Variants in VOPP1 observed in about 807,000 individuals in gnomAD.
VOPP1 encodes VOPP1 WW domain binding protein.
A neutral mutation model predicts 23.5 loss-of-function variants in VOPP1; 8 were observed. That is an observed-to-expected ratio of 0.34 (90% confidence interval 0.20 to 0.61). The LOEUF (loss-of-function observed/expected upper bound fraction) is 0.61. Among genes scored for constraint, VOPP1 ranks in the 20% least tolerant of loss-of-function variants. The probability of loss-of-function intolerance (pLI) is 0.78; values close to 1 mark genes in which losing one functional copy is unlikely to be tolerated. For synonymous variants in VOPP1, 83 were observed against 97.3 expected (o/e 0.85, Z 0.86); for missense variants, 174 against 238.1 (o/e 0.73, Z 1.77).
intron 4 of VOPP1, among the ~76,000 whole-genome samples, chr7:55,437,022 G>A (rs1475674415): frequency 6.6e-6 from 1 of 152,190 alleles, no homozygotes; most frequent in East Asian, 1.9e-4. Context: ...AATAAAACGT[G>A]TCCCGAGCAG....
chr7:55,537,575 C>T (rs1246738078), intron 1 of VOPP1: 3 of 1,535,806 alleles, frequency 2.0e-6, no homozygotes, highest in African/African-American at 2.7e-5. Flanking sequence ...GCCAGCCAGT[C>T]GCCCACGGTC....
chr7:55,444,756 C>A (rs1447562649), intron 4 of VOPP1, among the ~76,000 whole-genome samples: 1 of 151,670 alleles, frequency 6.6e-6, no homozygotes, highest in Non-Finnish European at 1.5e-5. Flanking sequence ...TGAGGCATGA[C>A]CCCAGAATTT....
At chr7:55,499,747 G>A (rs1381535648) in intron 2 of VOPP1, among the ~76,000 whole-genome samples, 1 of 152,152 alleles carries the variant, frequency 6.6e-6, no homozygotes, top group Non-Finnish European at 1.5e-5. Context: ...CTCAGTGCTC[G>A]GGACGGGGGA....
chr7:55,465,842 C>T (rs1333407162), downstream of VOPP1, among the ~76,000 whole-genome samples: 1 of 152,206 alleles, frequency 6.6e-6, no homozygotes, highest in African/African-American at 2.4e-5. Flanking sequence ...GTTAGGTCCA[C>T]AGGGACTCTC....
At chr7:55,496,519 A>T (rs1031108380) in intron 3 of VOPP1, among the ~76,000 whole-genome samples, 1 of 151,974 alleles carries the variant, frequency 6.6e-6, no homozygotes, top group African/African-American at 2.4e-5. Flanking sequence ...TTAGGGGGGT[A>T]CACCTAGGTG....
intron 1 of VOPP1, among the ~76,000 whole-genome samples, chr7:55,564,237 G>GTCTCTCTCTCTCTCTCTCTCTC (rs1382166112): frequency 3.5e-5 from 1 of 28,194 alleles, no homozygotes. Flanking sequence ...CTTTCTCTCT[G>GTCTCTCTCTCTCTCTCTCTCTC]TCTCTGTCTC....
At chr7:55,493,557 AG>A (rs1224949125) in intron 3 of VOPP1, among the ~76,000 whole-genome samples, 1 of 152,276 alleles carries the variant, frequency 6.6e-6, no homozygotes, top group African/African-American at 2.4e-5. Context: ...GGCACGAGAC[AG>A]GAATGACTCA....
chr7:55,548,094 T>A (rs1797445021), intron 1 of VOPP1, among the ~76,000 whole-genome samples: 1 of 152,242 alleles, frequency 6.6e-6, no homozygotes, highest in Non-Finnish European at 1.5e-5. Flanking sequence ...TAAATGACAC[T>A]CAGTGGGATG....
chr7:55,498,473 G>A (rs1471156927), intron 2 of VOPP1, among the ~76,000 whole-genome samples: 4 of 151,738 alleles, frequency 2.6e-5, no homozygotes, highest in Non-Finnish European at 5.9e-5. Context: ...CGGTGCCCTC[G>A]ACATCCCTGC....
intron 4 of VOPP1, among the ~76,000 whole-genome samples, chr7:55,476,601 A>G (rs763752773): frequency 1.3e-5 from 2 of 152,162 alleles, no homozygotes; most frequent in Non-Finnish European, 2.9e-5. Context: ...ACAGCGTTCC[A>G]GTTACACCAG....
intron 1 of VOPP1, among the ~76,000 whole-genome samples, chr7:55,557,659 C>A (rs998855091): frequency 6.6e-6 from 1 of 151,976 alleles, no homozygotes; most frequent in Non-Finnish European, 1.5e-5. Flanking sequence ...AGGAAGGGGC[C>A]AAGTAACTCT....
intron 1 of VOPP1, among the ~76,000 whole-genome samples, chr7:55,551,902 T>C (rs952528920): frequency 6.6e-6 from 1 of 151,434 alleles, no homozygotes; most frequent in Non-Finnish European, 1.5e-5. Context: ...TAGCCACACA[T>C]GGTGGCGCAT....
chr7:55,440,520 T>G (rs1193106038), intron 4 of VOPP1, among the ~76,000 whole-genome samples: 5 of 152,266 alleles, frequency 3.3e-5, no homozygotes, highest in African/African-American at 7.2e-5. Flanking sequence ...ACGCTTCCAG[T>G]GACTGACAGC....
At chr7:55,529,935 C>T (rs1157085140) in intron 1 of VOPP1, among the ~76,000 whole-genome samples, 2 of 152,208 alleles carry the variant, frequency 1.3e-5, no homozygotes, top group African/African-American at 4.8e-5. Flanking sequence ...GAAGACACCA[C>T]ATTTTGTTTA....
At chr7:55,497,559 G>C (rs575468925) in intron 3 of VOPP1, 54 bp downstream of exon 3, 205,733 of 1,037,494 alleles carry the variant, frequency 0.2, 13,176 homozygotes, top group African/African-American at 0.23. Context: ...ACTGATGGGG[G>C]GGGGGGGGGG....
In VOPP1 at chr7:55,473,027, G is replaced by T. The variant is rs369962600; in HGVS notation, c.347C>A (p.Pro116Gln). The T allele has an allele frequency of 6.3e-7, 1 of 1,597,756 alleles. No homozygotes were observed. Among genetic ancestry groups the T allele is most frequent in the South Asian group, 1.1e-5 (1 of 88,388 alleles). ...NPGPGAQQPGPPYYTDPGGPG... is the reference protein window; with the variant it reads ...NPGPGAQQPGQPYYTDPGGPG... ...TCCTCCTGGGTCGGTGTAATAGGGC[G>T]GCCCCGGCTGCTGGGCTCCTGAAAG... Residue 116 changes from proline to glutamine, a missense_variant, in exon 5 of 5, where the codon CCG (proline) becomes CAG (glutamine). Transcript: ENST00000285279.
chr7:55,446,281 C>G (rs568523362), intron 4 of VOPP1, among the ~76,000 whole-genome samples: 9 of 152,310 alleles, frequency 5.9e-5, no homozygotes, highest in Admixed American at 2.0e-4. Context: ...GCGTGAGCCA[C>G]CGCGCCCGGC....
At chr7:55,562,111 C>G (rs1798011166) in intron 1 of VOPP1, 1 of 701,570 alleles carries the variant, frequency 1.4e-6, no homozygotes, top group Admixed American at 2.0e-5. Context: ...AACTCCCTAC[C>G]TCATTCTAAT....
intron 1 of VOPP1, among the ~76,000 whole-genome samples, chr7:55,555,667 C>T (rs1584114597): frequency 6.6e-6 from 1 of 152,186 alleles, no homozygotes; most frequent in Non-Finnish European, 1.5e-5. Flanking sequence ...CTCTTCATTT[C>T]GCTAGTGCAT....
Sources: allele counts gnomAD v4.1 joint callset (sites outside exome capture counted in the v4.1 genomes callset), GRCh38; gene constraint gnomAD v4.1.1; transcripts MANE v1.5; gene names NCBI Gene and HGNC (gene_info 2026-07-23, HGNC 2026-07-21).